Variants in EPHA6 observed in about 807,000 individuals in gnomAD.
The protein encoded by EPHA6 is EPH receptor A6.
In EPHA6, 50 loss-of-function variants were observed where a neutral mutation model predicts 112.0. The observed-to-expected ratio is 0.45, with a 90% CI of 0.36 to 0.56. The LOEUF (loss-of-function observed/expected upper bound fraction) is 0.56. Among genes scored for constraint, EPHA6 ranks in the 20% least tolerant of loss-of-function variants. The pLI, the probability that EPHA6 is intolerant of heterozygous loss-of-function variation, is 0.00. For synonymous variants in EPHA6, 529 were observed against 490.7 expected (o/e 1.08, Z -1.03); for missense variants, 1,280 against 1,417.4 (o/e 0.90, Z 1.56).
At chr3:97,074,079 G>T (rs576402859) in intron 3 of EPHA6, among the ~76,000 whole-genome samples, 1 of 151,740 alleles carries the variant, frequency 6.6e-6, no homozygotes, top group Non-Finnish European at 1.5e-5. Flanking sequence ...ACATTTTAAA[G>T]TTGGATCCCC....
intron 9 of EPHA6, chr3:97,481,517 G>A (rs2107487467): frequency 2.1e-6 from 2 of 964,388 alleles, no homozygotes; most frequent in African/African-American, 1.6e-5. Flanking sequence ...TCCGGCGCGG[G>A]GCTAAGTGCA....
rs1452142286 is a variant in EPHA6, at chr3:97,757,033, G to A, written c.*8332G>A. On this transcript the variant is annotated 3_prime_UTR_variant, in exon 18 of 18. Coordinates refer to ENST00000389672, the MANE Select transcript of EPHA6 (RefSeq NM_001080448.3). ...TTTGTTTCTTAAAATGTTAATTATGGTATACGTGCTATAGTAACCTCATTT... is the reference window on the plus strand; with the variant it reads ...TTTGTTTCTTAAAATGTTAATTATGATATACGTGCTATAGTAACCTCATTT... Among the ~76,000 whole-genome samples, 2 of 151,624 alleles carry A rather than the reference G, an allele frequency of 1.3e-5. No homozygotes were observed. Among genetic ancestry groups the A allele is most frequent in the African/African-American group, 4.8e-5 (2 of 41,356 alleles).
chr3:97,694,855 T>C (rs1315976856), intron 14 of EPHA6, among the ~76,000 whole-genome samples: 2 of 152,236 alleles, frequency 1.3e-5, no homozygotes, highest in Non-Finnish European at 2.9e-5. Context: ...AGTTGTTGTC[T>C]TCAAACTAGA....
At chr3:97,413,819 T>A (rs1396807396) in intron 6 of EPHA6, among the ~76,000 whole-genome samples, 7 of 152,000 alleles carry the variant, frequency 4.6e-5, no homozygotes, top group Admixed American at 2.0e-4. Context: ...TAAAGATAAA[T>A]CTTACTAGTT....
chr3:97,075,237 ATTG>A (rs2108174227), intron 3 of EPHA6, among the ~76,000 whole-genome samples: 1 of 152,110 alleles, frequency 6.6e-6, no homozygotes, highest in East Asian at 1.9e-4. Context: ...TCATATCTAG[ATTG>A]TTTTTGTCAA....
rs549010836 is a variant in EPHA6 at position 96,942,089 on chromosome 3, C to T, written c.451-45241C>T. 6.6e-5 allele frequency among the ~76,000 whole-genome samples: 10 copies of T among 152,302 alleles called. No individual in the cohort carries two copies. In the East Asian group the frequency reaches 1.9e-3, roughly 29 times the overall value. On this transcript the variant is annotated intron_variant, in intron 2 of 17. Coordinates refer to ENST00000389672, the MANE Select transcript of EPHA6 (RefSeq NM_001080448.3). ...GACCCACTTGAGGAGGCAGTCTGCC[C>T]ATTCTCAGATCTCCAGCTGCGTGCT... is the stretch of plus-strand genomic sequence containing the variant.
chr3:97,324,646 C>G (rs532441412), intron 5 of EPHA6, among the ~76,000 whole-genome samples: 1 of 151,936 alleles, frequency 6.6e-6, no homozygotes, highest in Non-Finnish European at 1.5e-5. Flanking sequence ...TCAAGCAGTT[C>G]TCCTGCCTCA....
intron 7 of EPHA6, among the ~76,000 whole-genome samples, chr3:97,457,774 A>C (rs1209803227): frequency 6.6e-6 from 1 of 152,100 alleles, no homozygotes; most frequent in Non-Finnish European, 1.5e-5. Flanking sequence ...AGAATTAAGA[A>C]GCAGCTTAAT....
chr3:96,972,982 C>T (rs1385665078), intron 2 of EPHA6, among the ~76,000 whole-genome samples: 3 of 152,100 alleles, frequency 2.0e-5, no homozygotes, highest in Non-Finnish European at 4.4e-5. Context: ...TATTCTTTGC[C>T]TAGAAAGGCT....
chr3:96,850,667 GT>G (rs1304191538), intron 1 of EPHA6, among the ~76,000 whole-genome samples: 1 of 152,046 alleles, frequency 6.6e-6, no homozygotes, highest in Non-Finnish European at 1.5e-5. Flanking sequence ...ACACTGCAAG[GT>G]TTCAGGTTTT....
At chr3:97,490,702 A>G (rs1051215889) in intron 10 of EPHA6, among the ~76,000 whole-genome samples, 1 of 152,332 alleles carries the variant, frequency 6.6e-6, no homozygotes, top group Non-Finnish European at 1.5e-5. Flanking sequence ...TTATATTTCT[A>G]GAGTATATTA....
At chr3:97,617,557 A>G (rs2107488326) in intron 13 of EPHA6, among the ~76,000 whole-genome samples, 1 of 152,290 alleles carries the variant, frequency 6.6e-6, no homozygotes, top group East Asian at 1.9e-4. Context: ...GCAGTAACAC[A>G]GGTAGGCTCA....
chr3:97,561,865 C>A (rs2093197176), intron 11 of EPHA6, among the ~76,000 whole-genome samples: 2 of 152,084 alleles, frequency 1.3e-5, no homozygotes, highest in Non-Finnish European at 2.9e-5. Flanking sequence ...GAAGCCAATT[C>A]TCATTTACCA....
rs186813400 is a variant in EPHA6, at chr3:97,210,157, G to A, written c.1115-16107G>A. ...CTGAATATCCTTATTATATTAGTTC[G>A]TTCTTACACTGTTAGTAATATAAAG... is the stretch of plus-strand genomic sequence containing the variant. On this transcript the variant is annotated intron_variant, in intron 3 of 17. Coordinates refer to ENST00000389672, the MANE Select transcript of EPHA6 (RefSeq NM_001080448.3). Among the ~76,000 whole-genome samples the A allele has an allele frequency of 9.2e-3, 1,401 of 152,110 alleles. 10 individuals carry two copies. Among genetic ancestry groups the A allele is most frequent in the Non-Finnish European group, 0.015 (991 of 68,008 alleles).
intron 5 of EPHA6, among the ~76,000 whole-genome samples, chr3:97,350,793 C>T (rs1379444602): frequency 1.3e-5 from 2 of 151,964 alleles, no homozygotes. Flanking sequence ...TACTGCTACT[C>T]CTGCATTGTT....
At chr3:97,146,636 A>T (rs928875505) in intron 3 of EPHA6, among the ~76,000 whole-genome samples, 4 of 152,018 alleles carry the variant, frequency 2.6e-5, no homozygotes, top group African/African-American at 4.8e-5. Flanking sequence ...CAGAAATTTT[A>T]AAATGATGCC....
rs143818740 is a variant in EPHA6 at position 97,148,873 on chromosome 3, G to A, written c.1115-77391G>A. ...ATCAGGGAACACATTTGAGGGGTGGGCAAGCATACGTTTGTTTCTTCCTTT... is the reference window on the plus strand; with the variant it reads ...ATCAGGGAACACATTTGAGGGGTGGACAAGCATACGTTTGTTTCTTCCTTT... On this transcript the variant is annotated intron_variant, in intron 3 of 17. Coordinates refer to ENST00000389672, the MANE Select transcript of EPHA6 (RefSeq NM_001080448.3). Among the ~76,000 whole-genome samples the A allele has an allele frequency of 9.9e-5, 15 of 152,110 alleles. No individual in the cohort carries two copies. In the East Asian group the frequency reaches 2.7e-3, roughly 28 times the overall value.
chr3:97,073,454 A>G (rs1156560325), intron 3 of EPHA6, among the ~76,000 whole-genome samples: 1 of 152,150 alleles, frequency 6.6e-6, no homozygotes, highest in Non-Finnish European at 1.5e-5. Context: ...AGATTTTGTC[A>G]CATCATGGAT....
chr3:97,068,631 C>A (rs1461690783), intron 3 of EPHA6, among the ~76,000 whole-genome samples: 1 of 152,092 alleles, frequency 6.6e-6, no homozygotes, highest in African/African-American at 2.4e-5. Context: ...CACACACACA[C>A]ACACACGTTG....
Sources: allele counts gnomAD v4.1 joint callset (sites outside exome capture counted in the v4.1 genomes callset), GRCh38; gene constraint gnomAD v4.1.1; transcripts MANE v1.5; gene names NCBI Gene and HGNC (gene_info 2026-07-23, HGNC 2026-07-21).